Variants in EPHA6 observed in about 807,000 individuals in gnomAD.
EPHA6 encodes ephrin type-A receptor 6.
A neutral mutation model predicts 112.0 loss-of-function variants in EPHA6; 50 were observed. The ratio of observed to expected loss-of-function variants is 0.45; its 90% CI spans 0.36 to 0.56. The LOEUF (loss-of-function observed/expected upper bound fraction) is 0.56, where lower values mean the gene tolerates loss of function less well. Among genes scored for constraint, EPHA6 ranks in the 20% least tolerant of loss-of-function variants. The pLI is 0.00. For missense variants in EPHA6, 1,280 were observed against 1,417.4 expected (o/e 0.90, Z 1.56); for synonymous variants, 529 against 490.7 (o/e 1.08, Z -1.03).
chr3:97,723,927 C>T (rs2034640870), intron 15 of EPHA6, among the ~76,000 whole-genome samples: 1 of 152,174 alleles, frequency 6.6e-6, no homozygotes, highest in Non-Finnish European at 1.5e-5. Flanking sequence ...AACTTCCCAG[C>T]TGCTCTTTCC....
At position 97,095,339 on chromosome 3, in the gene EPHA6, T is replaced by C. The variant is rs148571677; in HGVS notation, c.1114+107346T>C. On this transcript the variant is annotated intron_variant, in intron 3 of 17. Coordinates refer to ENST00000389672, the MANE Select transcript of EPHA6 (RefSeq NM_001080448.3). ...AAAAGGGAGGGATAGCATTAGGAGATATACCTAATGTAAATGATGAGTTAA... is the reference window on the plus strand; with the variant it reads ...AAAAGGGAGGGATAGCATTAGGAGACATACCTAATGTAAATGATGAGTTAA... 3.2e-4 allele frequency among the ~76,000 whole-genome samples: 49 copies of C among 151,978 alleles called. No homozygotes were observed. In the East Asian group the frequency reaches 9.5e-3, roughly 30 times the overall value.
At chr3:97,215,610 CAA>C (rs11340632) in intron 3 of EPHA6, among the ~76,000 whole-genome samples, 7,898 of 122,092 alleles carry the variant, frequency 0.065, 692 homozygotes, top group African/African-American at 0.2. Flanking sequence ...AACTTTGTCT[CAA>C]AAAAAAAAAA....
intron 5 of EPHA6, among the ~76,000 whole-genome samples, chr3:97,290,814 C>CT (rs796682526): frequency 0.028 from 4,189 of 147,912 alleles, 184 homozygotes; most frequent in African/African-American, 0.096. Flanking sequence ...TTTTGCTCAT[C>CT]TTTTTTTTTT....
intron 2 of EPHA6, among the ~76,000 whole-genome samples, chr3:96,958,312 A>G (rs1291960320): frequency 6.6e-6 from 1 of 151,834 alleles, no homozygotes; most frequent in Non-Finnish European, 1.5e-5. Flanking sequence ...AAAAAAAAGA[A>G]CTTGACTTTC....
chr3:97,500,522 G>T (rs2092092294), intron 10 of EPHA6, among the ~76,000 whole-genome samples: 1 of 151,994 alleles, frequency 6.6e-6, no homozygotes, highest in African/African-American at 2.4e-5. Context: ...GCACCAGGGG[G>T]ATAGTGCTAA....
intron 14 of EPHA6, chr3:97,646,327 C>T (rs2094062689): frequency 6.8e-7 from 1 of 1,481,084 alleles, no homozygotes; most frequent in African/African-American, 1.4e-5. Flanking sequence ...CTTTCAGAGC[C>T]CCGTTTAAAA....
chr3:97,017,983 C>T (rs1347039369), intron 3 of EPHA6, among the ~76,000 whole-genome samples: 1 of 143,660 alleles, frequency 7.0e-6, no homozygotes, highest in Non-Finnish European at 1.5e-5. Flanking sequence ...GTTTCTTATT[C>T]TTTTTTTTTT....
chr3:96,903,826 C>T (rs978509986), intron 2 of EPHA6, among the ~76,000 whole-genome samples: 1 of 152,082 alleles, frequency 6.6e-6, no homozygotes, highest in Non-Finnish European at 1.5e-5. Flanking sequence ...CAAAAGAAGA[C>T]ATTTATGCAG....
At chr3:97,704,797 G>A (rs77885704) in intron 14 of EPHA6, among the ~76,000 whole-genome samples, 2,921 of 152,010 alleles carry the variant, frequency 0.019, 43 homozygotes, top group Middle Eastern at 0.044. Flanking sequence ...ATGGCATCCC[G>A]TTTTTATCTG....
chr3:97,455,981 T>G (rs1327897547), intron 7 of EPHA6, among the ~76,000 whole-genome samples: 1 of 152,010 alleles, frequency 6.6e-6, no homozygotes, highest in Non-Finnish European at 1.5e-5. Flanking sequence ...AGATCATAAC[T>G]TTGCTAAATG....
chr3:97,660,071 C>A (rs750449842), intron 14 of EPHA6, among the ~76,000 whole-genome samples: 38 of 151,940 alleles, frequency 2.5e-4, no homozygotes, highest in Non-Finnish European at 5.2e-4. Context: ...CGTTTAAATT[C>A]TGTTTCTGGC....
intron 3 of EPHA6, among the ~76,000 whole-genome samples, chr3:97,043,303 A>T (rs568908782): frequency 1.3e-5 from 2 of 152,122 alleles, no homozygotes; most frequent in Non-Finnish European, 2.9e-5. Context: ...AGGGACAGGT[A>T]GTCAGCTGTA....
At chr3:97,532,274 A>C (rs1460888021) in intron 10 of EPHA6, 84 bp from the exon 11 acceptor site, 1 of 1,196,254 alleles carries the variant, frequency 8.4e-7, no homozygotes, top group Non-Finnish European at 1.2e-6. Flanking sequence ...ATGTGAAAAA[A>C]GTATGTCACT....
chr3:97,610,194 A>T (rs577508108), intron 12 of EPHA6, among the ~76,000 whole-genome samples: 3 of 151,632 alleles, frequency 2.0e-5, no homozygotes, highest in Non-Finnish European at 3.0e-5. Flanking sequence ...TCCAATGAAG[A>T]CATAATCAGG....
intron 3 of EPHA6, among the ~76,000 whole-genome samples, chr3:97,076,067 C>T (rs936949498): frequency 2.0e-5 from 3 of 152,008 alleles, no homozygotes; most frequent in African/African-American, 7.2e-5. Context: ...CCTACAGTGG[C>T]CTTTAAGTGT....
chr3:97,320,828 AAAAT>A (rs1189611029), intron 5 of EPHA6, among the ~76,000 whole-genome samples: 5 of 141,354 alleles, frequency 3.5e-5, no homozygotes, highest in African/African-American at 1.5e-4. Flanking sequence ...AAAAATAAAA[AAAAT>A]AAAAAAAAAG....
chr3:97,562,514 A>T (rs2093205719), intron 11 of EPHA6, among the ~76,000 whole-genome samples: 1 of 152,180 alleles, frequency 6.6e-6, no homozygotes, highest in African/African-American at 2.4e-5. Context: ...TAATCTCATG[A>T]TAGAACTTTA....
At chr3:96,876,226 A>G (rs950888127) in intron 2 of EPHA6, among the ~76,000 whole-genome samples, 1 of 150,878 alleles carries the variant, frequency 6.6e-6, no homozygotes, top group African/African-American at 2.4e-5. Context: ...ATGAGCCACC[A>G]TGCCTGGCCT....
intron 11 of EPHA6, among the ~76,000 whole-genome samples, chr3:97,584,849 T>C (rs1482163832): frequency 6.6e-6 from 1 of 152,218 alleles, no homozygotes; most frequent in African/African-American, 2.4e-5. Context: ...TGATTCATGA[T>C]AAACCAATAT....
Sources: allele counts gnomAD v4.1 joint callset (sites outside exome capture counted in the v4.1 genomes callset), GRCh38; gene constraint gnomAD v4.1.1; transcripts MANE v1.5; gene names NCBI Gene and HGNC (gene_info 2026-07-23, HGNC 2026-07-21).